Variants in NRXN3 observed in about 807,000 individuals in gnomAD.
NRXN3 encodes neurexin III.
In NRXN3, 32 loss-of-function variants were observed where a neutral mutation model predicts 137.6. The ratio of observed to expected loss-of-function variants is 0.23; its 90% CI spans 0.18 to 0.31. The LOEUF (loss-of-function observed/expected upper bound fraction) is 0.31. NRXN3 is among the 10% of genes least tolerant of loss of function. NRXN3 has a pLI of 1.00. For missense variants in NRXN3, 1,574 were observed against 2,062.5 expected, an observed-to-expected ratio of 0.76 and a Z score of 4.59; for synonymous variants, 798 against 784.5, an observed-to-expected ratio of 1.02 and a Z score of -0.29.
intron 19 of NRXN3, among the ~76,000 whole-genome samples, chr14:79,728,253 T>C (rs529800468): frequency 7.1e-4 from 108 of 152,272 alleles, no homozygotes; most frequent in Non-Finnish European, 1.2e-3. Context: ...TCCAGCTACT[T>C]GATAGCCTAT....
chr14:79,723,674 T>G (rs1357601253), intron 19 of NRXN3, among the ~76,000 whole-genome samples: 1 of 152,144 alleles, frequency 6.6e-6, no homozygotes, highest in Non-Finnish European at 1.5e-5. Context: ...CCCCAGGGTC[T>G]TCTGTGTTCC....
intron 9 of NRXN3, among the ~76,000 whole-genome samples, chr14:78,804,284 T>C (rs1323758597): frequency 1.3e-5 from 2 of 152,136 alleles, no homozygotes; most frequent in Non-Finnish European, 2.9e-5. Flanking sequence ...AAGTACATTG[T>C]TTCTAGCTCC....
intron 15 of NRXN3, among the ~76,000 whole-genome samples, chr14:79,004,724 A>C (rs1567961292): frequency 6.6e-6 from 1 of 152,206 alleles, no homozygotes; most frequent in Non-Finnish European, 1.5e-5. Flanking sequence ...GACATGCTGC[A>C]TTGAGAGAGC....
chr14:78,403,672 G>A (rs1182524005), intron 4 of NRXN3: 10 of 978,970 alleles, frequency 1.0e-5, no homozygotes, highest in Non-Finnish European at 1.1e-5. Flanking sequence ...CACGAACACC[G>A]AGGGCGGTGT....
At chr14:79,059,824 T>A (rs2152651559) in intron 15 of NRXN3, among the ~76,000 whole-genome samples, 1 of 152,338 alleles carries the variant, frequency 6.6e-6, no homozygotes, top group Non-Finnish European at 1.5e-5. Context: ...CTATTACTCT[T>A]GAGATGAACA....
chr14:79,394,282 C>T (rs1402913261), intron 15 of NRXN3, among the ~76,000 whole-genome samples: 1 of 152,104 alleles, frequency 6.6e-6, no homozygotes, highest in Non-Finnish European at 1.5e-5. Flanking sequence ...ATAATAACAG[C>T]AGTAGCTAAT....
At chr14:78,505,107 A>G (rs1170801288) in intron 4 of NRXN3, among the ~76,000 whole-genome samples, 2 of 152,116 alleles carry the variant, frequency 1.3e-5, no homozygotes, top group Non-Finnish European at 2.9e-5. Context: ...GGTCAATATC[A>G]AACAAGCTAA....
At chr14:79,302,973 T>C (rs1294156987) in intron 15 of NRXN3, among the ~76,000 whole-genome samples, 1 of 151,814 alleles carries the variant, frequency 6.6e-6, no homozygotes, top group Non-Finnish European at 1.5e-5. Context: ...CCACCTCCAA[T>C]GTTGGGGATC....
chr14:78,454,914 A>C (rs1366096278), intron 4 of NRXN3, among the ~76,000 whole-genome samples: 1 of 152,200 alleles, frequency 6.6e-6, no homozygotes, highest in Non-Finnish European at 1.5e-5. Context: ...GAGCCTTGCA[A>C]GCCACGAGGA....
rs58288441 is a variant in NRXN3 at position 78,770,303 on chromosome 14, C to T, written c.2045-33317C>T. 2.7e-3 allele frequency among the ~76,000 whole-genome samples: 416 copies of T among 152,264 alleles called. 16 individuals carry two copies. In the East Asian group the frequency reaches 0.06, roughly 22 times the overall value. ...GAGCACACATTGGTGCTTTCCGTGGCGTGGCCTGTAGGTGACTTCTGAGGG... is the reference window on the plus strand; with the variant it reads ...GAGCACACATTGGTGCTTTCCGTGGTGTGGCCTGTAGGTGACTTCTGAGGG... On this transcript the variant is annotated intron_variant, in intron 8 of 20. Coordinates refer to ENST00000335750, the MANE Select transcript of NRXN3 (RefSeq NM_001330195.2).
chr14:79,171,367 T>C (rs2061763806), intron 15 of NRXN3, among the ~76,000 whole-genome samples: 1 of 152,158 alleles, frequency 6.6e-6, no homozygotes, highest in Non-Finnish European at 1.5e-5. Flanking sequence ...AGTTGTGTTA[T>C]AAGAGTACGT....
chr14:78,607,144 C>A (rs978123029), intron 4 of NRXN3, among the ~76,000 whole-genome samples: 1 of 150,904 alleles, frequency 6.6e-6, no homozygotes, highest in Non-Finnish European at 1.5e-5. Flanking sequence ...CTGTCTCCTC[C>A]CTGGGAGAAT....
At chr14:78,816,128 A>T (rs1410931625) in intron 10 of NRXN3, among the ~76,000 whole-genome samples, 1 of 152,202 alleles carries the variant, frequency 6.6e-6, no homozygotes, top group Non-Finnish European at 1.5e-5. Flanking sequence ...TTTTAGTATG[A>T]TAGTGGGATG....
intron 15 of NRXN3, among the ~76,000 whole-genome samples, chr14:79,197,274 G>T (rs548664727): frequency 2.6e-5 from 4 of 152,204 alleles, no homozygotes; most frequent in Admixed American, 2.6e-4. Context: ...TTAGGCAAAT[G>T]TGACTTCATA....
At chr14:78,919,492 G>A (rs1249534645) in intron 10 of NRXN3, among the ~76,000 whole-genome samples, 2 of 152,130 alleles carry the variant, frequency 1.3e-5, no homozygotes, top group Admixed American at 1.3e-4. Flanking sequence ...ATATCAAATG[G>A]TCATTTAAGC....
intron 15 of NRXN3, among the ~76,000 whole-genome samples, chr14:79,129,944 G>C (rs1282346194): frequency 1.3e-5 from 2 of 149,608 alleles, no homozygotes; most frequent in African/African-American, 5.0e-5. Flanking sequence ...GGCCTTCTTT[G>C]TCTCTTTTGA....
chr14:78,992,813 T>C (rs1424023482), intron 15 of NRXN3, among the ~76,000 whole-genome samples: 1 of 152,194 alleles, frequency 6.6e-6, no homozygotes, highest in Non-Finnish European at 1.5e-5. Flanking sequence ...TTGCTTCTGG[T>C]GCCCTGGAGA....
At chr14:78,710,674 A>G (rs2098399459) in intron 7 of NRXN3, among the ~76,000 whole-genome samples, 1 of 152,190 alleles carries the variant, frequency 6.6e-6, no homozygotes, top group Non-Finnish European at 1.5e-5. Flanking sequence ...AGTAAGAGAG[A>G]GCAATAAGTT....
At chr14:79,101,673 C>A (rs1317260746) in intron 15 of NRXN3, among the ~76,000 whole-genome samples, 1 of 152,154 alleles carries the variant, frequency 6.6e-6, no homozygotes, top group East Asian at 1.9e-4. Flanking sequence ...ACTGTGCTAC[C>A]TTGATATTTG....
Sources: allele counts gnomAD v4.1 joint callset (sites outside exome capture counted in the v4.1 genomes callset), GRCh38; gene constraint gnomAD v4.1.1; transcripts MANE v1.5; gene names NCBI Gene and HGNC (gene_info 2026-07-23, HGNC 2026-07-21).